The following FSTL5 variants were observed in gnomAD, a reference collection of about 807,000 sequenced individuals.
The protein encoded by FSTL5 is follistatin-related protein 5.
A neutral mutation model predicts 89.1 loss-of-function variants in FSTL5; 62 were observed. The observed-to-expected ratio is 0.70, with a 90% CI of 0.57 to 0.86. FSTL5 has a LOEUF of 0.86. Among genes scored for constraint, FSTL5 ranks in the 40% least tolerant of loss-of-function variants. The pLI, the probability that FSTL5 is intolerant of heterozygous loss-of-function variation, is 0.00. For synonymous variants in FSTL5, 383 were observed against 346.2 expected (o/e 1.11, Z -1.18); for missense variants, 1,057 against 1,001.6 (o/e 1.06, Z -0.75).
chr4:162,075,277 C>T (rs1199113137), intron 2 of FSTL5, among the ~76,000 whole-genome samples: 1 of 151,802 alleles, frequency 6.6e-6, no homozygotes, highest in African/African-American at 2.4e-5. Context: ...CTTCCTTTTC[C>T]TCAAGGGTTT....
At chr4:162,033,014 A>T (rs981403600) in intron 3 of FSTL5, among the ~76,000 whole-genome samples, 11 of 152,142 alleles carry the variant, frequency 7.2e-5, no homozygotes, top group Admixed American at 4.6e-4. Flanking sequence ...GTGATATGCC[A>T]TCATTATAAT....
rs1731564016 is a variant in FSTL5 at position 162,114,551 on chromosome 4, CACACACACA to C, written c.-16-3148_-16-3140del. Among the ~76,000 whole-genome samples, 10 of 141,754 alleles carry C rather than the reference CACACACACA, an allele frequency of 7.1e-5. No homozygotes were observed. The South Asian group carries it at 2.1e-3, about 30-fold the overall frequency. The allele number at this position is 141,754 out of a possible 152,430, so 93.0% of individuals were successfully genotyped here. On this transcript the variant is annotated intron_variant, in intron 1 of 15. Coordinates refer to ENST00000306100, the MANE Select transcript of FSTL5 (RefSeq NM_020116.5). ...GTGGACACACACACACACACACACA[CACACACACA>C]CACACACATATTCTATATGACTACA...
At chr4:161,962,855 T>C (rs532333305) in intron 3 of FSTL5, among the ~76,000 whole-genome samples, 3 of 152,184 alleles carry the variant, frequency 2.0e-5, no homozygotes, top group African/African-American at 7.2e-5. Flanking sequence ...TAAGGACTAA[T>C]TTAAATACAT....
intron 10 of FSTL5, among the ~76,000 whole-genome samples, chr4:161,511,619 C>T (rs1232696182): frequency 6.6e-6 from 1 of 152,052 alleles, no homozygotes; most frequent in Non-Finnish European, 1.5e-5. Flanking sequence ...ATAATCATTA[C>T]ATAATATATA....
chr4:161,591,859 A>G (rs1413199669), intron 7 of FSTL5, among the ~76,000 whole-genome samples: 1 of 152,186 alleles, frequency 6.6e-6, no homozygotes, highest in African/African-American at 2.4e-5. Flanking sequence ...ATAGCTGGGG[A>G]GGCTAAGATG....
At chr4:161,824,800 T>A (rs1257325590) in intron 4 of FSTL5, among the ~76,000 whole-genome samples, 1 of 152,148 alleles carries the variant, frequency 6.6e-6, no homozygotes, top group Non-Finnish European at 1.5e-5. Context: ...ATCATAAAAC[T>A]TCAGTGAATT....
chr4:161,915,000 T>C (rs970046557), intron 4 of FSTL5, among the ~76,000 whole-genome samples: 1 of 152,114 alleles, frequency 6.6e-6, no homozygotes, highest in Non-Finnish European at 1.5e-5. Flanking sequence ...CATAGGCAAG[T>C]GAGATATTAC....
chr4:161,413,617 G>T lies in FSTL5; in HGVS notation c.1842-27168C>A, dbSNP rs1001365850. On this transcript the variant is annotated intron_variant, in intron 15 of 15. Coordinates refer to ENST00000306100, the MANE Select transcript of FSTL5 (RefSeq NM_020116.5). ...TAAATCAATCATACCAAAAAGACATGAACTCATATGTTTATTACTGTGCTA... is the reference window on the plus strand; with the variant it reads ...TAAATCAATCATACCAAAAAGACATTAACTCATATGTTTATTACTGTGCTA... 6.6e-5 allele frequency among the ~76,000 whole-genome samples: 10 copies of T among 152,122 alleles called. No individual in the cohort carries two copies. In the East Asian group the frequency reaches 1.9e-3, roughly 29 times the overall value.
chr4:162,121,788 C>T (rs1731873627), intron 1 of FSTL5, among the ~76,000 whole-genome samples: 1 of 151,986 alleles, frequency 6.6e-6, no homozygotes, highest in Admixed American at 6.6e-5. Context: ...CACAAATTTT[C>T]TTCTACCTCT....
At position 161,795,002 on chromosome 4, in the gene FSTL5, C is replaced by CAT. The variant is rs1034911872; in HGVS notation, c.410-18930_410-18929dup. Among the ~76,000 whole-genome samples, 4 of 151,756 alleles carry CAT rather than the reference C, an allele frequency of 2.6e-5. No individual in the cohort carries two copies. In the South Asian group the frequency reaches 8.3e-4, roughly 31 times the overall value. ...TAACCATGAATATATATTTTATTTA[C>CAT]ATATATATACACAATATATTTGTAT... On this transcript the variant is annotated intron_variant, in intron 4 of 15. Transcript: ENST00000306100.
chr4:161,456,644 T>C (rs1167604512), intron 14 of FSTL5, among the ~76,000 whole-genome samples: 28 of 152,194 alleles, frequency 1.8e-4, no homozygotes, highest in Non-Finnish European at 8.8e-5. Flanking sequence ...AGGAAGCATA[T>C]CTTAACTTCC....
chr4:161,789,604 C>A (rs1729389011), intron 4 of FSTL5, among the ~76,000 whole-genome samples: 1 of 152,086 alleles, frequency 6.6e-6, no homozygotes. Flanking sequence ...CTTCTTTGAG[C>A]TGATTATAAC....
chr4:161,623,435 T>A (rs1444395299), intron 7 of FSTL5, among the ~76,000 whole-genome samples: 6 of 152,004 alleles, frequency 3.9e-5, no homozygotes, highest in Admixed American at 3.9e-4. Flanking sequence ...CATTTTAATT[T>A]TTTAATGAAA....
At chr4:161,955,768 T>C (rs879134035) in intron 3 of FSTL5, among the ~76,000 whole-genome samples, 33 of 151,882 alleles carry the variant, frequency 2.2e-4, no homozygotes, top group Admixed American at 2.0e-3. Context: ...TCTGTAACTC[T>C]TGCAGTTTCA....
At chr4:162,002,270 T>C (rs902654322) in intron 3 of FSTL5, among the ~76,000 whole-genome samples, 4 of 152,182 alleles carry the variant, frequency 2.6e-5, no homozygotes, top group African/African-American at 9.7e-5. Flanking sequence ...AGGGATTTAC[T>C]TTAAAATCTG....
At chr4:161,594,688 T>A (rs191190390) in intron 7 of FSTL5, among the ~76,000 whole-genome samples, 1 of 152,136 alleles carries the variant, frequency 6.6e-6, no homozygotes, top group East Asian at 1.9e-4. Context: ...AATAAACAAT[T>A]TTATAAACTC....
rs561580261 is a variant in FSTL5, at chr4:161,972,353, C to T, written c.161-51701G>A. Among the ~76,000 whole-genome samples, 219 of 152,232 alleles carry T rather than the reference C, an allele frequency of 1.4e-3. 5 individuals carry two copies. The highest frequency in any genetic ancestry group is 3.8e-4 in the Non-Finnish European group (26 of 68,004). ...CCTCCTAAAGTGCTGGGATTACAAG[C>T]GTGAGCCATCACACCGCCCCGACAT... On this transcript the variant is annotated intron_variant, in intron 3 of 15. Transcript: ENST00000306100.
At chr4:162,066,428 TCTTTA>T (rs753753029) in intron 2 of FSTL5, among the ~76,000 whole-genome samples, 75 of 148,400 alleles carry the variant, frequency 5.1e-4, no homozygotes, top group Non-Finnish European at 8.5e-4. Context: ...CTTTTTTTTT[TCTTTA>T]CTTTAAGTTC....
intron 8 of FSTL5, among the ~76,000 whole-genome samples, chr4:161,556,714 T>C (rs1732404219): frequency 6.6e-6 from 1 of 151,248 alleles, no homozygotes; most frequent in African/African-American, 2.4e-5. Flanking sequence ...GGAAGTTTTA[T>C]TGCAAACTAA....
Sources: allele counts gnomAD v4.1 joint callset (sites outside exome capture counted in the v4.1 genomes callset), GRCh38; gene constraint gnomAD v4.1.1; transcripts MANE v1.5; gene names NCBI Gene and HGNC (gene_info 2026-07-23, HGNC 2026-07-21).